Variants in SNAPC4 observed in about 807,000 individuals in gnomAD.
SNAPC4 encodes the protein small nuclear RNA activating complex polypeptide 4.
A neutral mutation model predicts 151.3 loss-of-function variants in SNAPC4; 127 were observed. The observed-to-expected ratio is 0.84, with a 90% CI of 0.73 to 0.97. The LOEUF (loss-of-function observed/expected upper bound fraction) is 0.97. Among genes scored for constraint, SNAPC4 ranks in the 50% least tolerant of loss-of-function variants. The probability of loss-of-function intolerance (pLI) is 0.00; values close to 1 mark genes in which losing one functional copy is unlikely to be tolerated. For missense variants in SNAPC4, 2,186 were observed against 1,935.0 expected, an observed-to-expected ratio of 1.13 and a Z score of -2.43; for synonymous variants, 1,002 against 824.4, an observed-to-expected ratio of 1.22 and a Z score of -3.69.
intron 13 of SNAPC4, 75 bp from the exon 14 acceptor site, chr9:136,384,889 T>C: frequency 2.6e-6 from 2 of 772,300 alleles, no homozygotes; most frequent in Non-Finnish European, 4.3e-6. Flanking sequence ...GCTTCTTTAA[T>C]GGTTTCTTGG....
intron 14 of SNAPC4, among the ~76,000 whole-genome samples, chr9:136,384,333 G>A (rs929518215): frequency 6.6e-6 from 1 of 152,146 alleles, no homozygotes; most frequent in Non-Finnish European, 1.5e-5. Context: ...CACCTCCCAC[G>A]ATTCCCGCTC....
chr9:136,382,456 G>A, intron 16 of SNAPC4, 120 bp from the exon 17 acceptor site: 3 of 828,052 alleles, frequency 3.6e-6, no homozygotes, highest in Non-Finnish European at 5.9e-6. Flanking sequence ...GCTGTGTACA[G>A]CTCTGCTCTG....
intron 18 of SNAPC4, 150 bp downstream of exon 18, chr9:136,381,674 G>A (rs2131466273): frequency 1.0e-6 from 1 of 954,504 alleles, no homozygotes; most frequent in Non-Finnish European, 1.6e-6. Context: ...AACCTTCAGG[G>A]ACGGGAAGCT....
chr9:136,392,019 C>T lies in SNAPC4; in HGVS notation c.898G>A (p.Glu300Lys), dbSNP rs1564391938. 6.2e-7 allele frequency: 1 copy of T among 1,612,046 alleles called. No individual in the cohort carries two copies. ...ATCGCCTGCAGCCGCTCCTCCTCCT[C>T]CCTGCTCCACTCCTGCTTGTTGATG... ...PSINKQEWSR[E>K]EEERLQAIAA... is the part of the protein sequence containing the mutation. The change falls in exon 10 of 24, where the codon GAG (glutamate) becomes AAG (lysine). Residue 300 changes from glutamate (E) to lysine (K), a missense_variant. Coordinates refer to ENST00000684778, the MANE Select transcript of SNAPC4 (RefSeq NM_003086.4).
chr9:136,376,615 A>G, intron 22 of SNAPC4, 134 bp from the exon 23 acceptor site: 1 of 1,046,806 alleles, frequency 9.6e-7, no homozygotes, highest in Non-Finnish European at 1.4e-6. Flanking sequence ...CTCAGGCGGG[A>G]GCTGCTCCAG....
Position 136,378,687 on chromosome 9 carries a change from G to C in SNAPC4, c.3140C>G (p.Ala1047Gly), listed in dbSNP as rs904171001. 3 of 1,496,184 alleles carry C rather than the reference G, an allele frequency of 2.0e-6. No individual in the cohort carries two copies. In the African/African-American group the frequency reaches 4.2e-5, roughly 21 times the overall value. The allele number at this position is 1,496,184 out of a possible 1,614,324, so 92.7% of individuals were successfully genotyped here. Residue 1047 changes from alanine to glycine, a missense_variant, in exon 22 of 24, where the codon GCC becomes GGC. By Grantham distance (60) the Ala-to-Gly change is moderately conservative (BLOSUM62 0). Transcript: ENST00000684778. ...GACGGGCAGTGGGGTGGGGCTGGGG[G>C]CTGCGGGGAGAAAGGGTGGCGCCTC... Reference protein sequence around the residue: ...LPEAPPFLPAAPSPTPLPVQP... With the variant: ...LPEAPPFLPAGPSPTPLPVQP...
intron 7 of SNAPC4, among the ~76,000 whole-genome samples, 162 bp from the exon 8 acceptor site, chr9:136,392,939 C>T (rs1171101774): frequency 1.3e-5 from 2 of 152,332 alleles, no homozygotes; most frequent in East Asian, 1.9e-4. Flanking sequence ...AGCTGTAGCA[C>T]CCACCTCCAG....
At chr9:136,387,912 G>A in intron 11 of SNAPC4, 64 bp from the exon 12 acceptor site, 1 of 939,306 alleles carries the variant, frequency 1.1e-6, no homozygotes, top group South Asian at 1.3e-5. Flanking sequence ...AGAGTAGACA[G>A]CTAGGGACAA....
At chr9:136,395,848 G>C in intron 3 of SNAPC4, 78 bp from the exon 4 acceptor site, 5 of 1,434,792 alleles carry the variant, frequency 3.5e-6, no homozygotes, top group African/African-American at 1.4e-5. Flanking sequence ...GTCGCCCATC[G>C]CTGGGCCTCT....
chr9:136,395,166 A>C (rs1834219831), intron 5 of SNAPC4, 132 bp downstream of exon 5: 2 of 1,148,048 alleles, frequency 1.7e-6, no homozygotes, highest in Non-Finnish European at 2.5e-6. Flanking sequence ...CGGAGGAGGC[A>C]GTTTGAAGGA....
chr9:136,379,071 G>GACGGGAGGCC lies in SNAPC4; in HGVS notation c.2755_2756insGGCCTCCCGT (p.Ser919TrpfsTer124). 1 of 1,580,176 alleles carries GACGGGAGGCC rather than the reference G, an allele frequency of 6.3e-7. No individual in the cohort carries two copies. The highest frequency in any genetic ancestry group is 8.6e-7 in the Non-Finnish European group (1 of 1,163,750). ...CACAGACGAGGAGACCAGCAGCTGG[G>GACGGGAGGCC]ACGGGAGCACCACCGGGCCCCGGGT... On this transcript the variant is annotated frameshift_variant, in exon 22 of 24. Coordinates refer to ENST00000684778, the MANE Select transcript of SNAPC4 (RefSeq NM_003086.4). LOFTEE classifies it high-confidence loss of function.
At chr9:136,389,150 C>T (rs138072484) in intron 10 of SNAPC4, among the ~76,000 whole-genome samples, 1 of 152,312 alleles carries the variant, frequency 6.6e-6, no homozygotes, top group East Asian at 1.9e-4. Flanking sequence ...TCAGCAAACC[C>T]ACCCTCAGTC....
chr9:136,398,794 G>A (rs1834358416), intron 1 of SNAPC4: 3 of 219,044 alleles, frequency 1.4e-5, no homozygotes, highest in East Asian at 1.1e-4. Context: ...AGCGTAGAAG[G>A]TGTGGGGTGC....
intron 20 of SNAPC4, among the ~76,000 whole-genome samples, chr9:136,380,303 G>T (rs1249092714): frequency 6.6e-6 from 1 of 152,086 alleles, no homozygotes; most frequent in Non-Finnish European, 1.5e-5. Flanking sequence ...GGGAGAGGCG[G>T]GGGGGCTGGA....
In SNAPC4 at chr9:136,379,768, A is replaced by G. The variant is rs907013933; in HGVS notation, c.2527+69T>C. On this transcript the variant is annotated intron_variant, in intron 21 of 23. Transcript: ENST00000684778. Reference sequence around the variant, plus strand: ...GGGGCTGTGGGTGAAAGCCAGGGCCAGGTTAGGCCTCTTCCCCGCCAGGGC... The same window carrying G: ...GGGGCTGTGGGTGAAAGCCAGGGCCGGGTTAGGCCTCTTCCCCGCCAGGGC... 2.1e-5 allele frequency: 31 copies of G among 1,445,422 alleles called. No individual in the cohort carries two copies. In the South Asian group the frequency reaches 3.3e-4, roughly 15 times the overall value. 89.5% of individuals were successfully genotyped at this position (1,445,422 alleles called of 1,614,324 possible).
At chr9:136,386,173 T>C (rs1012379928) in intron 13 of SNAPC4, among the ~76,000 whole-genome samples, 1 of 151,022 alleles carries the variant, frequency 6.6e-6, no homozygotes, top group Non-Finnish European at 1.5e-5. Context: ...TTAACAGCCA[T>C]CCCAACGCGT....
intron 23 of SNAPC4, 145 bp downstream of exon 23, chr9:136,376,204 C>T (rs913857654): frequency 2.2e-6 from 2 of 893,140 alleles, no homozygotes; most frequent in Non-Finnish European, 3.4e-6. Context: ...CCCTGGAGGG[C>T]CTCCATGACC....
chr9:136,398,520 G>C, intron 1 of SNAPC4, 83 bp from the exon 2 acceptor site: 4 of 1,510,826 alleles, frequency 2.6e-6, no homozygotes, highest in Non-Finnish European at 3.6e-6. Flanking sequence ...CCGCCCATGG[G>C]GGATGGCAGG....
chr9:136,380,134 A>G (rs1317371364), intron 20 of SNAPC4, among the ~76,000 whole-genome samples: 2 of 152,182 alleles, frequency 1.3e-5, no homozygotes. Flanking sequence ...AGGCTCCTGA[A>G]CCGCAGGCTG....
Sources: allele counts gnomAD v4.1 joint callset (sites outside exome capture counted in the v4.1 genomes callset), GRCh38; gene constraint gnomAD v4.1.1; transcripts MANE v1.5; gene names NCBI Gene and HGNC (gene_info 2026-07-23, HGNC 2026-07-21).